NCAM2: variants seen among roughly 807,000 people sequenced by gnomAD.
The protein encoded by NCAM2 is N-CAM-2.
NCAM2 carries 30 observed loss-of-function variants against 98.1 expected under a neutral mutation model. The observed-to-expected ratio is 0.31, with a 90% CI of 0.23 to 0.41. NCAM2 has a LOEUF of 0.41. NCAM2 is among the 10% of genes least tolerant of loss of function. The pLI, the probability that NCAM2 is intolerant of heterozygous loss-of-function variation, is 1.00. For missense variants in NCAM2, 867 were observed against 1,005.8 expected (o/e 0.86, Z 1.87); for synonymous variants, 368 against 342.4 (o/e 1.07, Z -0.83).
intron 1 of NCAM2, among the ~76,000 whole-genome samples, chr21:21,124,932 T>G (rs1999293): frequency 0.82 from 124,827 of 152,082 alleles, 52,099 homozygotes; most frequent in East Asian, 0.92. Flanking sequence ...TTCTGAAATT[T>G]TGTAAGCTGA....
chr21:21,149,664 G>T (rs2067389569), intron 1 of NCAM2, among the ~76,000 whole-genome samples: 1 of 151,986 alleles, frequency 6.6e-6, no homozygotes, highest in Non-Finnish European at 1.5e-5. Flanking sequence ...AGCACGTGTG[G>T]TGTTTGGTTT....
At chr21:21,219,243 C>G (rs1252053403) in intron 1 of NCAM2, among the ~76,000 whole-genome samples, 1 of 151,720 alleles carries the variant, frequency 6.6e-6, no homozygotes, top group Non-Finnish European at 1.5e-5. Context: ...CTGATGTGGC[C>G]CAGGGAAGCC....
intron 9 of NCAM2, among the ~76,000 whole-genome samples, chr21:21,399,983 A>G (rs1424662623): frequency 6.6e-6 from 1 of 152,178 alleles, no homozygotes; most frequent in African/African-American, 2.4e-5. Context: ...ACTGACTCCA[A>G]GTTCACCTCT....
intron 6 of NCAM2, among the ~76,000 whole-genome samples, chr21:21,332,020 A>C (rs1394038424): frequency 6.6e-6 from 1 of 151,872 alleles, no homozygotes; most frequent in Admixed American, 6.6e-5. Flanking sequence ...CTCTTGCTTC[A>C]ACCTCCCAAG....
At chr21:21,369,948 G>A (rs2826816) in intron 8 of NCAM2, among the ~76,000 whole-genome samples, 32,983 of 151,150 alleles carry the variant, frequency 0.22, 3,990 homozygotes, top group East Asian at 0.28. Flanking sequence ...ACTTTGTAGG[G>A]GTACAACTCA....
At chr21:21,319,041 G>C (rs1372709013) in intron 5 of NCAM2, among the ~76,000 whole-genome samples, 1 of 152,030 alleles carries the variant, frequency 6.6e-6, no homozygotes, top group Non-Finnish European at 1.5e-5. Flanking sequence ...TTGAGCCCAA[G>C]AGTTGGAGAC....
intron 1 of NCAM2, among the ~76,000 whole-genome samples, chr21:21,230,707 C>T (rs1165069225): frequency 2.0e-5 from 3 of 151,254 alleles, no homozygotes; most frequent in African/African-American, 4.8e-5. Context: ...TGTTGCCCTC[C>T]AAAATGTTCT....
chr21:21,053,743 T>TA (rs1400973797), intron 1 of NCAM2, among the ~76,000 whole-genome samples: 1 of 151,652 alleles, frequency 6.6e-6, no homozygotes, highest in Non-Finnish European at 1.5e-5. Context: ...TGCGTTTTGT[T>TA]ATGGTAAATT....
At chr21:21,410,056 C>T (rs2076824284) in intron 9 of NCAM2, among the ~76,000 whole-genome samples, 1 of 152,014 alleles carries the variant, frequency 6.6e-6, no homozygotes, top group Non-Finnish European at 1.5e-5. Context: ...TGGCATCAAC[C>T]CAGGAGGCGG....
chr21:21,219,860 G>A (rs2070067822), intron 1 of NCAM2, among the ~76,000 whole-genome samples: 1 of 152,116 alleles, frequency 6.6e-6, no homozygotes, highest in Non-Finnish European at 1.5e-5. Context: ...CAGTGATATT[G>A]ATAATTCTGA....
intron 10 of NCAM2, 33 bp from the exon 11 acceptor site, chr21:21,418,440 G>T (rs746669693): frequency 6.7e-7 from 1 of 1,485,532 alleles, no homozygotes; most frequent in Non-Finnish European, 9.4e-7. Context: ...TGATGTTTTA[G>T]AATTGTAACA....
intron 8 of NCAM2, among the ~76,000 whole-genome samples, chr21:21,367,487 C>T (rs976621569): frequency 2.0e-5 from 3 of 151,794 alleles, no homozygotes; most frequent in Admixed American, 6.6e-5. Flanking sequence ...ATTATTTGCA[C>T]GTGGTTCATG....
At chr21:21,267,637 A>G (rs925786290) in intron 1 of NCAM2, among the ~76,000 whole-genome samples, 2 of 152,196 alleles carry the variant, frequency 1.3e-5, no homozygotes, top group Non-Finnish European at 2.9e-5. Context: ...GTGTACAAAT[A>G]TGGAGCAATT....
At chr21:21,168,107 A>G (rs2068009665) in intron 1 of NCAM2, among the ~76,000 whole-genome samples, 1 of 152,170 alleles carries the variant, frequency 6.6e-6, no homozygotes, top group South Asian at 2.1e-4. Context: ...TTTTTACTTT[A>G]CAACCGAGTG....
At chr21:21,246,666 C>G (rs1827204867) in intron 1 of NCAM2, among the ~76,000 whole-genome samples, 1 of 152,036 alleles carries the variant, frequency 6.6e-6, no homozygotes, top group African/African-American at 2.4e-5. Context: ...TCTAGATATT[C>G]TTAATAATCA....
intron 9 of NCAM2, among the ~76,000 whole-genome samples, chr21:21,376,750 A>C (rs2076041439): frequency 6.6e-6 from 1 of 151,802 alleles, no homozygotes; most frequent in African/African-American, 2.4e-5. Context: ...CTTCTTTATA[A>C]GTTTAAATAT....
rs1261333256 is a variant in NCAM2 at position 21,411,052 on chromosome 21, G to A, written c.1383+591G>A. 5.2e-4 allele frequency among the ~76,000 whole-genome samples: 16 copies of A among 30,796 alleles called. 1 individual carries two copies. The highest frequency in any genetic ancestry group is 8.0e-4 in the African/African-American group (5 of 6,288). 20.2% of individuals were successfully genotyped at this position (30,796 alleles called of 152,430 possible). ...TATATACACACATATATATATGTGT[G>A]TGTATATATATATATATACACACAC... On this transcript the variant is annotated intron_variant, in intron 10 of 17. Coordinates refer to ENST00000400546, the MANE Select transcript of NCAM2 (RefSeq NM_004540.5).
chr21:21,285,808 T>C (rs559784450), intron 3 of NCAM2, among the ~76,000 whole-genome samples: 93 of 152,036 alleles, frequency 6.1e-4, no homozygotes, highest in African/African-American at 2.2e-3. Context: ...TATGGAATCC[T>C]ATGGAAAATA....
intron 1 of NCAM2, among the ~76,000 whole-genome samples, chr21:21,104,954 A>C (rs9979231): frequency 2.0e-5 from 3 of 151,838 alleles, no homozygotes; most frequent in Admixed American, 2.0e-4. Flanking sequence ...AAAAACTGAA[A>C]TCTCTGCCAA....
Sources: gnomAD v4.1 joint callset for allele counts (sites outside exome capture counted in the v4.1 genomes callset) on GRCh38, gnomAD v4.1.1 for gene constraint, MANE v1.5 for transcripts, NCBI Gene and HGNC (gene_info 2026-07-23, HGNC 2026-07-21) for gene names.